PRP4K: variants seen among roughly 807,000 people sequenced by gnomAD.
PRP4K encodes serine/threonine-protein kinase PRP4 homolog.
the PRP4K span, chr6:4,063,594 A>T: frequency 6.6e-6 from 1 of 152,144 alleles, no homozygotes; most frequent in Non-Finnish European, 1.5e-5. Context: ...TAGACAAAAT[A>T]TTCAGAGCCA....
At chr6:4,050,874 T>C in the PRP4K span, among the ~76,000 whole-genome samples, 1 of 152,158 alleles carries the variant, frequency 6.6e-6, no homozygotes, top group South Asian at 2.1e-4. Flanking sequence ...AGGCATCCAT[T>C]ACTATGTTCT....
chr6:4,037,380 C>G, the PRP4K span: 2 of 1,538,020 alleles, frequency 1.3e-6, no homozygotes, highest in Non-Finnish European at 1.7e-6. Context: ...TTTTAACTTG[C>G]ATTTGATCCC....
the PRP4K span, chr6:4,032,356 T>C: frequency 6.2e-7 from 1 of 1,613,998 alleles, no homozygotes. Flanking sequence ...TCCCCAATTA[T>C]AAATGAAAGT....
the PRP4K span, among the ~76,000 whole-genome samples, chr6:4,033,276 T>C: frequency 6.6e-6 from 1 of 152,168 alleles, no homozygotes; most frequent in Non-Finnish European, 1.5e-5. Flanking sequence ...AAATGGAAAA[T>C]TTTGTATTAA....
the PRP4K span, chr6:4,044,130 CAT>C: frequency 1.1e-6 from 1 of 932,944 alleles, no homozygotes; most frequent in Non-Finnish European, 1.6e-6. Context: ...AAAGATTAGA[CAT>C]GTTGCTTCTG....
the PRP4K span, among the ~76,000 whole-genome samples, chr6:4,044,716 C>T: frequency 6.6e-6 from 1 of 152,062 alleles, no homozygotes; most frequent in Non-Finnish European, 1.5e-5. Flanking sequence ...AGAACAGGAA[C>T]CAGCAAACTT....
chr6:4,055,330 T>C, the PRP4K span, among the ~76,000 whole-genome samples: 1 of 152,240 alleles, frequency 6.6e-6, no homozygotes, highest in East Asian at 1.9e-4. Context: ...TTTTCTATTT[T>C]AAGATGCTTT....
the PRP4K span, chr6:4,021,391 GCCGCCA>G: frequency 6.4e-7 from 1 of 1,563,522 alleles, no homozygotes. Flanking sequence ...TCCGGGAGCC[GCCGCCA>G]CCGCCGCCGA....
At chr6:4,057,308 T>G in the PRP4K span, 85,833 of 961,466 alleles carry the variant, frequency 0.089, 4,394 homozygotes, top group Middle Eastern at 0.11. Flanking sequence ...GGTAGATGGC[T>G]ATCATGATTT....
At chr6:4,045,859 C>T in the PRP4K span, among the ~76,000 whole-genome samples, 1 of 152,252 alleles carries the variant, frequency 6.6e-6, no homozygotes, top group South Asian at 2.1e-4. Flanking sequence ...GGTTTATTTT[C>T]ATTTGCTTTT....
At chr6:4,049,933 A>G in the PRP4K span, 1 of 1,546,056 alleles carries the variant, frequency 6.5e-7, no homozygotes, top group African/African-American at 1.4e-5. Flanking sequence ...TTACAGAAGA[A>G]CATATTTTTA....
At chr6:4,049,438 G>T in the PRP4K span, 4 of 467,998 alleles carry the variant, frequency 8.5e-6, no homozygotes, top group South Asian at 1.1e-4. Context: ...GGAAACTTTG[G>T]ATGCCAGTCA....
chr6:4,058,830 G>A, the PRP4K span: 4 of 1,561,370 alleles, frequency 2.6e-6, no homozygotes, highest in South Asian at 4.5e-5. Context: ...TGTTTTAAAT[G>A]CAGCATGCAA....
chr6:4,044,303 T>G, the PRP4K span: 1 of 336,128 alleles, frequency 3.0e-6, no homozygotes. Flanking sequence ...TATGATTTTA[T>G]TCCCCTTCTG....
chr6:4,029,719 C>T, the PRP4K span, among the ~76,000 whole-genome samples: 1 of 151,980 alleles, frequency 6.6e-6, no homozygotes, highest in Non-Finnish European at 1.5e-5. Context: ...AACATCCCTG[C>T]TTAACAAATT....
At chr6:4,044,884 A>G in the PRP4K span, among the ~76,000 whole-genome samples, 1 of 137,032 alleles carries the variant, frequency 7.3e-6, no homozygotes, top group Non-Finnish European at 1.6e-5. Context: ...TTTTTAAGAG[A>G]CAGAGTCTTG....
At chr6:4,057,201 A>C in the PRP4K span, 2 of 1,605,108 alleles carry the variant, frequency 1.2e-6, no homozygotes, top group African/African-American at 2.7e-5. Flanking sequence ...AGACATTAGC[A>C]TGAGCTTCTT....
chr6:4,046,899 C>G, the PRP4K span, among the ~76,000 whole-genome samples: 9 of 152,076 alleles, frequency 5.9e-5, no homozygotes. Flanking sequence ...CTCAGGTGTT[C>G]CACCCACCTC....
the PRP4K span, among the ~76,000 whole-genome samples, chr6:4,027,218 T>C: frequency 2.6e-5 from 4 of 152,244 alleles, no homozygotes; most frequent in African/African-American, 9.6e-5. Context: ...GTTTGTTGTA[T>C]GTGTGACCTT....
Sources: allele counts gnomAD v4.1 joint callset (sites outside exome capture counted in the v4.1 genomes callset), GRCh38; gene constraint gnomAD v4.1.1; transcripts MANE v1.5; gene names NCBI Gene and HGNC (gene_info 2026-07-23, HGNC 2026-07-21).